PRPF18: variants seen among roughly 807,000 people sequenced by gnomAD.
PRPF18 encodes the protein pre-mRNA processing factor 18.
In PRPF18, 38 loss-of-function variants were observed where a neutral mutation model predicts 46.5. The observed-to-expected ratio is 0.82, with a 90% CI of 0.63 to 1.07. The LOEUF (loss-of-function observed/expected upper bound fraction) is 1.07. Among genes scored for constraint, PRPF18 ranks in the 50% least tolerant of loss-of-function variants. The pLI is 0.00. For synonymous variants in PRPF18, 152 were observed against 146.7 expected, an observed-to-expected ratio of 1.04 and a Z score of -0.26; for missense variants, 263 against 410.0, an observed-to-expected ratio of 0.64 and a Z score of 3.10.
In PRPF18 at chr10:13,587,053, A is replaced by C. The variant is rs2079882784; in HGVS notation, c.-34A>C. 1 of 1,608,608 alleles carries C rather than the reference A, an allele frequency of 6.2e-7. No homozygotes were observed. Among genetic ancestry groups the C allele is most frequent in the Non-Finnish European group, 8.5e-7 (1 of 1,174,954 alleles). On this transcript the variant is annotated 5_prime_UTR_variant, in exon 1 of 10. Coordinates refer to ENST00000378572, the MANE Select transcript of PRPF18 (RefSeq NM_003675.4). ...AGTGAGGCTGGGTTCGAGGAGCTGG[A>C]GCGGGAAACTGGAGCTTAAATTCTG...
chr10:13,649,965 C>CTT, the PRPF18 span, among the ~76,000 whole-genome samples: 1 of 152,196 alleles, frequency 6.6e-6, no homozygotes, highest in Non-Finnish European at 1.5e-5. Context: ...AGAAGAGCAG[C>CTT]TTAGCCCTGG....
chr10:13,613,590 G>C, intron 6 of PRPF18, 151 bp from the exon 7 acceptor site: 1 of 850,214 alleles, frequency 1.2e-6, no homozygotes. Flanking sequence ...CCAATAAGCA[G>C]AACTAGCTTA....
intron 3 of PRPF18, among the ~76,000 whole-genome samples, chr10:13,605,210 T>C (rs2080165638): frequency 6.6e-6 from 1 of 152,246 alleles, no homozygotes; most frequent in South Asian, 2.1e-4. Flanking sequence ...ATTTGGATAA[T>C]TAGCTTTTAT....
intron 9 of PRPF18, among the ~76,000 whole-genome samples, chr10:13,617,399 A>C (rs1407872328): frequency 1.3e-5 from 2 of 152,232 alleles, no homozygotes; most frequent in Non-Finnish European, 2.9e-5. Flanking sequence ...TGCCTTAGTC[A>C]CATATAATAG....
chr10:13,636,164 G>T, the PRPF18 span, among the ~76,000 whole-genome samples: 1 of 152,248 alleles, frequency 6.6e-6, no homozygotes, highest in Non-Finnish European at 1.5e-5. Context: ...GCTCACGCCT[G>T]TAATGCCAGC....
chr10:13,600,461 T>G, intron 3 of PRPF18, 113 bp downstream of exon 3: 2 of 735,790 alleles, frequency 2.7e-6, no homozygotes. Context: ...ATGACTTATC[T>G]AAAAATGCTG....
In PRPF18 at chr10:13,623,931, A is replaced by G. The variant is rs564450802; in HGVS notation, c.949-6329A>G. On this transcript the variant is annotated intron_variant, in intron 9 of 9. Coordinates refer to ENST00000378572, the MANE Select transcript of PRPF18 (RefSeq NM_003675.4). ...TTTAGACTTAAAAATTGTGACATACATAACATAAAATTTACCATCTTAATC... is the reference window on the plus strand; with the variant it reads ...TTTAGACTTAAAAATTGTGACATACGTAACATAAAATTTACCATCTTAATC... Among the ~76,000 whole-genome samples, 6 of 152,370 alleles carry G rather than the reference A, an allele frequency of 3.9e-5. No homozygotes were observed. In the East Asian group the frequency reaches 7.7e-4, roughly 20 times the overall value.
chr10:13,593,203 A>C (rs1218650904), intron 1 of PRPF18, among the ~76,000 whole-genome samples: 1 of 152,236 alleles, frequency 6.6e-6, no homozygotes, highest in East Asian at 1.9e-4. Flanking sequence ...TAGTTCTAAT[A>C]CATTGGAAAA....
chr10:13,590,533 A>G (rs569631257), intron 1 of PRPF18, among the ~76,000 whole-genome samples: 190 of 150,418 alleles, frequency 1.3e-3, no homozygotes, highest in African/African-American at 4.4e-3. Context: ...AGGCAGGAGA[A>G]TGGCGTGAAC....
At chr10:13,597,886 AAC>A (rs766315103) in intron 2 of PRPF18, among the ~76,000 whole-genome samples, 41 of 151,954 alleles carry the variant, frequency 2.7e-4, no homozygotes, top group Non-Finnish European at 5.0e-4. Flanking sequence ...CTCCCAATAA[AAC>A]AGTCTATTTG....
At chr10:13,591,928 G>GGTTTTTTTTTTTTTTT in intron 1 of PRPF18, 1 of 1,011,566 alleles carries the variant, frequency 9.9e-7, no homozygotes, top group Non-Finnish European at 1.4e-6. Context: ...TCAACTGAGG[G>GGTTTTTTTTTTTTTTT]TTTTTTTTTT....
chr10:13,597,791 G>A (rs927008958), intron 2 of PRPF18: 4 of 696,104 alleles, frequency 5.7e-6, no homozygotes, highest in Non-Finnish European at 8.7e-6. Flanking sequence ...TGAGATCAAA[G>A]CTTGAATTTT....
the PRPF18 span, chr10:13,645,993 T>C: frequency 6.6e-6 from 1 of 152,494 alleles, no homozygotes; most frequent in African/African-American, 2.4e-5. Flanking sequence ...GGAAAGCAGC[T>C]TTGAGTCTTG....
At position 13,614,004 on chromosome 10, in the gene PRPF18, ATTT is replaced by A. The variant is rs771176170; in HGVS notation, c.721-6_721-4del. ...TAGTAGCTTCCAAAATTTCTTATTT[ATTT>A]TTTTCAGAATCTTCCTGCTGATATT... On this transcript the variant is annotated splice_region_variant and splice_polypyrimidine_tract_variant and intron_variant, in intron 7 of 9. Coordinates refer to ENST00000378572, the MANE Select transcript of PRPF18 (RefSeq NM_003675.4). 9 of 1,568,652 alleles carry A rather than the reference ATTT, an allele frequency of 5.7e-6. No individual in the cohort carries two copies. In the African/African-American group the frequency reaches 1.2e-4, roughly 22 times the overall value.
At chr10:13,601,689 CAT>C (rs1449426177) in intron 3 of PRPF18, among the ~76,000 whole-genome samples, 1 of 152,040 alleles carries the variant, frequency 6.6e-6, no homozygotes, top group Admixed American at 6.6e-5. Context: ...TTACAGTAAA[CAT>C]GTGCTTTGGG....
At chr10:13,591,965 A>G in intron 1 of PRPF18, 1 of 1,072,742 alleles carries the variant, frequency 9.3e-7, no homozygotes. Context: ...ACAGCTTTTG[A>G]GGCACATCTT....
intron 1 of PRPF18, among the ~76,000 whole-genome samples, chr10:13,588,104 T>G (rs990598214): frequency 1.3e-5 from 2 of 151,990 alleles, no homozygotes; most frequent in African/African-American, 4.8e-5. Context: ...TTACGAAGGG[T>G]TTGTGCCCAA....
chr10:13,632,175 A>G (rs2080595934), downstream of PRPF18, among the ~76,000 whole-genome samples: 1 of 152,198 alleles, frequency 6.6e-6, no homozygotes, highest in Non-Finnish European at 1.5e-5. Context: ...CCCTGTCTCT[A>G]CTAAAAATAC....
intron 9 of PRPF18, among the ~76,000 whole-genome samples, chr10:13,630,001 C>A (rs1270788281): frequency 6.6e-6 from 1 of 152,116 alleles, no homozygotes; most frequent in Non-Finnish European, 1.5e-5. Context: ...AAGTTTTTTT[C>A]ATATGTCCTC....
Sources: allele counts gnomAD v4.1 joint callset (sites outside exome capture counted in the v4.1 genomes callset), GRCh38; gene constraint gnomAD v4.1.1; transcripts MANE v1.5; gene names NCBI Gene and HGNC (gene_info 2026-07-23, HGNC 2026-07-21).